ARHGAP39: variants seen among roughly 807,000 people sequenced by gnomAD.
ARHGAP39 encodes rho GTPase-activating protein 39.
A neutral mutation model predicts 106.9 loss-of-function variants in ARHGAP39; 44 were observed. The observed-to-expected ratio is 0.41, with a 90% confidence interval of 0.32 to 0.53. The LOEUF (loss-of-function observed/expected upper bound fraction) is 0.53. Ranked by LOEUF, ARHGAP39 falls within the 20% of genes least tolerant of loss-of-function variation. The probability of loss-of-function intolerance (pLI) is 0.21; values close to 1 mark genes in which losing one functional copy is unlikely to be tolerated. For synonymous variants in ARHGAP39, 768 were observed against 693.2 expected (o/e 1.11, Z -1.69); for missense variants, 1,496 against 1,577.3 (o/e 0.95, Z 0.87).
chr8:144,618,536 T>G (rs1820698195), intron 1 of ARHGAP39, among the ~76,000 whole-genome samples: 1 of 152,254 alleles, frequency 6.6e-6, no homozygotes, highest in South Asian at 2.1e-4. Context: ...AGGTGGGGGT[T>G]GCTGCCTGCA....
chr8:144,661,825 G>C (rs1305337714), intron 1 of ARHGAP39, among the ~76,000 whole-genome samples: 1 of 151,608 alleles, frequency 6.6e-6, no homozygotes, highest in East Asian at 1.9e-4. Context: ...TATCCACCTT[G>C]AACTGTTCCC....
In ARHGAP39 at chr8:144,670,505, T is replaced by C. The variant is rs1482408840; in HGVS notation, c.-82+15181A>G. The stretch of plus-strand genomic sequence containing the variant: ...CAGTCTCCTTGATGTGCTCCGGACA[T>C]AAAAGCCTGGGCAAGGCTTCAAGAA... On this transcript the variant is annotated intron_variant, in intron 1 of 11. Transcript: ENST00000377307. This position sits in a 1 kb window ranked among gnomAD's most constrained non-coding sequence, Gnocchi z 4.4. Among the ~76,000 whole-genome samples the C allele has an allele frequency of 6.6e-6, 1 of 152,172 alleles. No individual in the cohort carries two copies.
chr8:144,633,067 G>A (rs1821101420), intron 1 of ARHGAP39, among the ~76,000 whole-genome samples: 1 of 152,128 alleles, frequency 6.6e-6, no homozygotes, highest in African/African-American at 2.4e-5. Context: ...ACCTGAGCCT[G>A]GGGAGGTGGA....
In ARHGAP39 at chr8:144,603,681, C is replaced by G. The variant is rs1422896339; in HGVS notation, c.80+1854G>C. 5.6e-5 allele frequency among the ~76,000 whole-genome samples: 8 copies of G among 143,958 alleles called. No homozygotes were observed. In the South Asian group the frequency reaches 1.1e-3, roughly 20 times the overall value. The allele number at this position is 143,958 out of a possible 152,430, so 94.4% of individuals were successfully genotyped here. On this transcript the variant is annotated intron_variant, in intron 2 of 11. Coordinates refer to ENST00000377307, the MANE Select transcript of ARHGAP39 (RefSeq NM_025251.3). ...CTCCAGCCTGGGCGACAAAGCGAGACTCCATCAAAAAAAAAAAAAAAAAAG... is the reference window on the plus strand; with the variant it reads ...CTCCAGCCTGGGCGACAAAGCGAGAGTCCATCAAAAAAAAAAAAAAAAAAG...
intron 1 of ARHGAP39, among the ~76,000 whole-genome samples, chr8:144,662,414 C>CCA (rs1680758796): frequency 6.6e-6 from 1 of 150,984 alleles, no homozygotes. Context: ...ACAGCTCTCC[C>CCA]CTCCCCATCA....
chr8:144,569,245 G>A (rs1047732164), intron 3 of ARHGAP39, among the ~76,000 whole-genome samples: 3 of 152,156 alleles, frequency 2.0e-5, no homozygotes, highest in African/African-American at 7.2e-5. Context: ...TTCATCAGGA[G>A]CACATAATCC....
chr8:144,649,121 G>A (rs1380375735), intron 1 of ARHGAP39, among the ~76,000 whole-genome samples: 1 of 152,110 alleles, frequency 6.6e-6, no homozygotes, highest in African/African-American at 2.4e-5. Context: ...TAATAAAGAA[G>A]AAAAGAGAGA....
Position 144,555,596 on chromosome 8 carries a change from C to A in ARHGAP39, c.560G>T (p.Arg187Leu). The A allele has an allele frequency of 6.2e-7, 1 of 1,614,036 alleles. No individual in the cohort carries two copies. Among genetic ancestry groups the A allele is most frequent in the Non-Finnish European group, 8.5e-7 (1 of 1,180,024 alleles). ...VFLEKDYEIY[R>L]DYSADGQLLH... ...AAGCTGGCCGTCCGCACTGTAATCCCGGTAAATCTCATAGTCCTTCTCAAG... is the reference window on the plus strand; with the variant it reads ...AAGCTGGCCGTCCGCACTGTAATCCAGGTAAATCTCATAGTCCTTCTCAAG... Residue 187 changes from arginine (R) to leucine (L), a missense_variant, in exon 4 of 12, where the codon CGG becomes CTG. Arg to Leu is a moderately radical substitution (Grantham distance 102). Coordinates refer to ENST00000377307, the MANE Select transcript of ARHGAP39 (RefSeq NM_025251.3).
At chr8:144,545,106 G>A (rs1205935549) in intron 6 of ARHGAP39, 143 bp downstream of exon 6, 2 of 716,180 alleles carry the variant, frequency 2.8e-6, no homozygotes, top group Admixed American at 3.5e-5. Flanking sequence ...GGCCCAGAGT[G>A]TGGGGCGTTT....
chr8:144,666,134 T>A (rs1378316712), intron 1 of ARHGAP39, among the ~76,000 whole-genome samples: 1 of 152,130 alleles, frequency 6.6e-6, no homozygotes, highest in African/African-American at 2.4e-5. Flanking sequence ...CCCTGCTGGA[T>A]TTTGAACTTG....
chr8:144,560,175 T>G (rs1305337519), intron 3 of ARHGAP39, among the ~76,000 whole-genome samples: 1 of 152,272 alleles, frequency 6.6e-6, no homozygotes, highest in African/African-American at 2.4e-5. Context: ...GACTCACGCC[T>G]GTAATTCCAA....
chr8:144,659,313 T>C (rs546867227), intron 1 of ARHGAP39, among the ~76,000 whole-genome samples: 1 of 152,294 alleles, frequency 6.6e-6, no homozygotes, highest in South Asian at 2.1e-4. Flanking sequence ...AGGAAACACC[T>C]GGTAACTCCC....
chr8:144,607,927 C>T (rs573550846), intron 1 of ARHGAP39, among the ~76,000 whole-genome samples: 81 of 152,136 alleles, frequency 5.3e-4, no homozygotes, highest in African/African-American at 1.8e-3. Flanking sequence ...GAGGCCGAGG[C>T]GGGTGGATCA....
rs928582709 is a variant in ARHGAP39 at position 144,671,828 on chromosome 8, G to A, written c.-82+13858C>T. Among the ~76,000 whole-genome samples, 2 of 152,200 alleles carry A rather than the reference G, an allele frequency of 1.3e-5. No individual in the cohort carries two copies. The highest frequency in any genetic ancestry group is 1.5e-5 in the Non-Finnish European group (1 of 68,044). On this transcript the variant is annotated intron_variant, in intron 1 of 11. Coordinates refer to ENST00000377307, the MANE Select transcript of ARHGAP39 (RefSeq NM_025251.3). The surrounding 1 kb of genome is among the most constrained non-coding windows in gnomAD (Gnocchi z 4.5). ...AGGCCTGGTCTGTCTCCTCCCTGTC[G>A]GGGGTATCTGACTGGCAAGTGGCTG...
At chr8:144,556,163 T>A (rs972898079) in intron 3 of ARHGAP39, among the ~76,000 whole-genome samples, 2 of 151,254 alleles carry the variant, frequency 1.3e-5, no homozygotes, top group African/African-American at 4.9e-5. Context: ...CGGGCGCCTG[T>A]AGTCCCAGCT....
chr8:144,639,338 A>AAAAAAAG (rs1554610292), intron 1 of ARHGAP39, among the ~76,000 whole-genome samples: 1 of 146,260 alleles, frequency 6.8e-6, no homozygotes, highest in African/African-American at 2.7e-5. Flanking sequence ...AAAAAAAAAA[A>AAAAAAAG]AAAGAAAGAA....
chr8:144,582,278 C>T (rs1819023441), intron 2 of ARHGAP39, among the ~76,000 whole-genome samples: 1 of 152,206 alleles, frequency 6.6e-6, no homozygotes, highest in South Asian at 2.1e-4. Context: ...GCGGGGGCGA[C>T]CTTCATCCCA....
intron 1 of ARHGAP39, among the ~76,000 whole-genome samples, chr8:144,681,589 A>G (rs1822420280): frequency 6.6e-6 from 1 of 152,214 alleles, no homozygotes; most frequent in East Asian, 1.9e-4. Flanking sequence ...GTACAAGCCT[A>G]CCAGGAGGCT....
At chr8:144,617,283 C>T (rs1470368518) in intron 1 of ARHGAP39, among the ~76,000 whole-genome samples, 1 of 151,860 alleles carries the variant, frequency 6.6e-6, no homozygotes, top group Non-Finnish European at 1.5e-5. Flanking sequence ...GGTGATGGTA[C>T]GAGGGCCTGG....
Sources: allele counts gnomAD v4.1 joint callset (sites outside exome capture counted in the v4.1 genomes callset), GRCh38; gene constraint gnomAD v4.1.1; non-coding constraint Gnocchi (gnomAD v3.1); transcripts MANE v1.5; gene names NCBI Gene and HGNC (gene_info 2026-07-23, HGNC 2026-07-21).